The following SRCIN1 variants were observed in gnomAD, a reference collection of about 807,000 sequenced individuals.
The protein encoded by SRCIN1 is SRC kinase signaling inhibitor 1.
Under a neutral mutation model 116.2 loss-of-function variants are expected in SRCIN1, and 50 were observed. The observed-to-expected ratio is 0.43, with a 90% CI of 0.34 to 0.54. The LOEUF is 0.54. Ranked by LOEUF, SRCIN1 falls within the 20% of genes least tolerant of loss-of-function variation. The probability of loss-of-function intolerance (pLI) is 0.02; values close to 1 mark genes in which losing one functional copy is unlikely to be tolerated. For synonymous variants in SRCIN1, 736 were observed against 750.0 expected, an observed-to-expected ratio of 0.98 and a Z score of 0.30; for missense variants, 1,446 against 1,672.0, an observed-to-expected ratio of 0.86 and a Z score of 2.36.
Position 38,552,967 on chromosome 17 carries a change from G to C in SRCIN1, c.2202-112C>G. ...GCCACCAGTTGGATCGAAAGTAAAA[G>C]CAGGAGGCTGGGCACCGTGGCTCAC... On this transcript the variant is annotated intron_variant, in intron 11 of 18. Transcript: ENST00000617146. This position sits in a 1 kb window ranked among gnomAD's most constrained non-coding sequence, Gnocchi z 5.3. The C allele has an allele frequency of 6.7e-7, 1 of 1,497,234 alleles. No homozygotes were observed. The allele number at this position is 1,497,234 out of a possible 1,614,324, so 92.7% of individuals were successfully genotyped here.
chr17:38,545,770 G>A (rs1037349713), intron 17 of SRCIN1, among the ~76,000 whole-genome samples: 4 of 152,226 alleles, frequency 2.6e-5, no homozygotes, highest in Admixed American at 6.5e-5. Context: ...TCCCATGAGC[G>A]TGCCCATCTG....
intron 17 of SRCIN1, among the ~76,000 whole-genome samples, chr17:38,547,123 G>A (rs1905121272): frequency 6.6e-6 from 1 of 152,244 alleles, no homozygotes; most frequent in Admixed American, 6.5e-5. Context: ...AATGCCAAAA[G>A]AACCAGCAGC....
chr17:38,557,540 A>C (rs1905888668), intron 11 of SRCIN1, among the ~76,000 whole-genome samples: 1 of 152,220 alleles, frequency 6.6e-6, no homozygotes, highest in Non-Finnish European at 1.5e-5. Context: ...TCACTCCCTG[A>C]ATGGACACTG....
At chr17:38,536,806 G>T (rs1246694905) in intron 18 of SRCIN1, among the ~76,000 whole-genome samples, 1 of 152,218 alleles carries the variant, frequency 6.6e-6, no homozygotes, top group Non-Finnish European at 1.5e-5. Context: ...CTTTCTCCTT[G>T]CCAGTGACTG....
rs1000861130 is a variant in SRCIN1, at chr17:38,585,082, G to A, written c.23-6291C>T. On this transcript the variant is annotated intron_variant, in intron 1 of 18. Transcript: ENST00000617146. This position sits in a 1 kb window ranked among gnomAD's most constrained non-coding sequence, Gnocchi z 4.2. ...TGAGAGGCTGTCACATGTGTGCCCC[G>A]ACCCACTGCCTGGGCAGGGGTAGGA... Among the ~76,000 whole-genome samples, 3 of 152,174 alleles carry A rather than the reference G, an allele frequency of 2.0e-5. No homozygotes were observed.
chr17:38,548,659 G>A lies in SRCIN1; in HGVS notation c.3168C>T (p.Arg1056=), dbSNP rs1166613624. The A allele has an allele frequency of 1.2e-6, 2 of 1,612,222 alleles. No homozygotes were observed. Among genetic ancestry groups the A allele is most frequent in the Admixed American group, 3.3e-5 (2 of 59,894 alleles). The change falls in exon 17 of 19, where the codon CGC becomes CGT. Residue 1056 remains arginine, a synonymous_variant. Transcript: ENST00000617146. ...LEVQKPQVKL[R]RAVSEVARPA... is the part of the protein sequence containing the mutation. ...GGCGGGCCACCTCAGACACAGCCCG[G>A]CGCAGCTTCACCTGGGGCTTCTGCA...
At chr17:38,598,952 G>A (rs1908869713) in intron 1 of SRCIN1, among the ~76,000 whole-genome samples, 2 of 152,158 alleles carry the variant, frequency 1.3e-5, no homozygotes, top group African/African-American at 4.8e-5. Context: ...GGCAAGGTGT[G>A]CCTTCGGAAC....
At chr17:38,576,165 TTTC>T (rs936226843) in intron 2 of SRCIN1, among the ~76,000 whole-genome samples, 2 of 152,008 alleles carry the variant, frequency 1.3e-5, no homozygotes, top group Non-Finnish European at 2.9e-5. Flanking sequence ...ACCCAGCTGT[TTTC>T]ATCCTTTTCC....
chr17:38,565,746 A>C (rs1456897850), intron 3 of SRCIN1, among the ~76,000 whole-genome samples: 1 of 152,202 alleles, frequency 6.6e-6, no homozygotes, highest in Admixed American at 6.5e-5. Context: ...GCTGTCCCCA[A>C]GGTGGCCTTG....
chr17:38,557,789 C>G (rs1905904009), intron 11 of SRCIN1, among the ~76,000 whole-genome samples: 1 of 152,224 alleles, frequency 6.6e-6, no homozygotes, highest in Non-Finnish European at 1.5e-5. Context: ...GGAATCGGAT[C>G]TCCAATGATG....
chr17:38,605,477 G>T (rs1315242129), intron 1 of SRCIN1, among the ~76,000 whole-genome samples: 7 of 139,022 alleles, frequency 5.0e-5, no homozygotes, highest in Non-Finnish European at 1.1e-4. Context: ...CACTCCTCTC[G>T]CCCGGGTCCT....
chr17:38,564,358 C>G (rs776328704), intron 3 of SRCIN1, 45 bp from the exon 4 acceptor site: 3 of 1,446,620 alleles, frequency 2.1e-6, no homozygotes, highest in Admixed American at 2.2e-5. Flanking sequence ...ATGAGCACCC[C>G]CCCTCCCCTT....
At chr17:38,600,401 T>C (rs1908956321) in intron 1 of SRCIN1, among the ~76,000 whole-genome samples, 2 of 152,188 alleles carry the variant, frequency 1.3e-5, no homozygotes, top group African/African-American at 4.8e-5. Flanking sequence ...CCTCATAATG[T>C]CCATGACCCC....
At chr17:38,591,357 G>A (rs1295431495) in intron 1 of SRCIN1, among the ~76,000 whole-genome samples, 1 of 152,138 alleles carries the variant, frequency 6.6e-6, no homozygotes, top group Non-Finnish European at 1.5e-5. Flanking sequence ...CTCCTGAACC[G>A]GAACCTTCTG....
At chr17:38,539,831 G>T (rs1242936897) in intron 18 of SRCIN1, among the ~76,000 whole-genome samples, 1 of 151,926 alleles carries the variant, frequency 6.6e-6, no homozygotes, top group East Asian at 1.9e-4. Context: ...GACCAGCCTG[G>T]TCAACATGGT....
intron 1 of SRCIN1, among the ~76,000 whole-genome samples, chr17:38,597,069 A>C (rs1184697035): frequency 6.6e-5 from 10 of 152,082 alleles, no homozygotes; most frequent in Non-Finnish European, 1.3e-4. Flanking sequence ...ATCCATACCC[A>C]CAACACGTCT....
At position 38,590,479 on chromosome 17, in the gene SRCIN1, G is replaced by A. The variant is rs572617419; in HGVS notation, c.23-11688C>T. ...TCAAACTCCTGACCTCAGGTGATCT[G>A]CCCGCCTTGGCCTCCCTAAGTGCTG... is the stretch of plus-strand genomic sequence containing the variant. On this transcript the variant is annotated intron_variant, in intron 1 of 18. Coordinates refer to ENST00000617146, the MANE Select transcript of SRCIN1 (RefSeq NM_025248.3). 3.3e-5 allele frequency among the ~76,000 whole-genome samples: 5 copies of A among 152,302 alleles called. No individual in the cohort carries two copies. In the East Asian group the frequency reaches 9.6e-4, roughly 29 times the overall value.
At chr17:38,556,794 C>A (rs1000079066) in intron 11 of SRCIN1, among the ~76,000 whole-genome samples, 2 of 152,196 alleles carry the variant, frequency 1.3e-5, no homozygotes, top group African/African-American at 4.8e-5. Context: ...CCTGGAGAAC[C>A]AAGGCCTTCA....
Position 38,561,769 on chromosome 17 carries a change from C to T in SRCIN1, c.1394G>A (p.Gly465Asp). Reference protein sequence around the residue: ...AGGGGPLYGDGYGFRLPPSSP... With the variant: ...AGGGGPLYGDDYGFRLPPSSP... ...CGAAGGCGGCAGGCGGAAGCCGTAGCCGTCGCCGTACAGCGGGCCGCCGCC... is the reference window on the plus strand; with the variant it reads ...CGAAGGCGGCAGGCGGAAGCCGTAGTCGTCGCCGTACAGCGGGCCGCCGCC... Residue 465 changes from glycine to aspartate, a missense_variant, in exon 7 of 19, where the codon GGC becomes GAC. Physicochemically the swap from Gly to Asp is moderately conservative, Grantham distance 94 (BLOSUM62 -1). Transcript: ENST00000617146. 3 of 1,507,172 alleles carry T rather than the reference C, an allele frequency of 2.0e-6. No homozygotes were observed. Among genetic ancestry groups the T allele is most frequent in the African/African-American group, 1.4e-5 (1 of 70,130 alleles). The allele number at this position is 1,507,172 out of a possible 1,614,324, so 93.4% of individuals were successfully genotyped here.
Sources: gnomAD v4.1 joint callset for allele counts (sites outside exome capture counted in the v4.1 genomes callset) on GRCh38, gnomAD v4.1.1 for gene constraint, Gnocchi (gnomAD v3.1) non-coding constraint, MANE v1.5 for transcripts, NCBI Gene and HGNC (gene_info 2026-07-23, HGNC 2026-07-21) for gene names.